SLC17A5: variants seen among roughly 807,000 people sequenced by gnomAD.
The protein encoded by SLC17A5 is sialin.
A neutral mutation model predicts 59.4 loss-of-function variants in SLC17A5; 47 were observed. That is an observed-to-expected ratio of 0.79 (90% CI 0.63 to 1.01). SLC17A5 has a LOEUF of 1.01. Among genes scored for constraint, SLC17A5 ranks in the 50% least tolerant of loss-of-function variants. The pLI, the probability that SLC17A5 is intolerant of heterozygous loss-of-function variation, is 0.00. For synonymous variants in SLC17A5, 202 were observed against 210.7 expected (o/e 0.96, Z 0.36); for missense variants, 522 against 595.5 (o/e 0.88, Z 1.28).
intron 1 of SLC17A5, 22 bp downstream of exon 1, chr6:73,653,771 C>A: frequency 6.4e-7 from 1 of 1,560,996 alleles, no homozygotes; most frequent in Non-Finnish European, 8.7e-7. Flanking sequence ...ACTCGAAGCC[C>A]CTGGACGACC....
intron 3 of SLC17A5, among the ~76,000 whole-genome samples, chr6:73,640,778 A>G (rs1769238375): frequency 6.6e-6 from 1 of 152,188 alleles, no homozygotes; most frequent in East Asian, 1.9e-4. Context: ...AAGGAAAAGA[A>G]AGACAAGAAT....
At chr6:73,600,801 GCTT>G (rs1767026234) in intron 9 of SLC17A5, among the ~76,000 whole-genome samples, 1 of 152,078 alleles carries the variant, frequency 6.6e-6, no homozygotes, top group South Asian at 2.1e-4. Context: ...GCGCCTGGCT[GCTT>G]CTTTCAATAG....
chr6:73,594,842 G>C lies in SLC17A5; in HGVS notation c.*235C>G. On this transcript the variant is annotated 3_prime_UTR_variant, in exon 11 of 11. Transcript: ENST00000355773. ...TGTCCTACTTCATGTTGCCCGACTA[G>C]CAGGCAGGTATGTGAACCTAAAGTA... The C allele has an allele frequency of 1.9e-6, 1 of 525,396 alleles. No individual in the cohort carries two copies. The highest frequency in any genetic ancestry group is 2.1e-5 in the South Asian group (1 of 48,318). The allele number at this position is 525,396 out of a possible 1,614,324, so 32.5% of individuals were successfully genotyped here.
chr6:73,628,319 C>T (rs1768533510), intron 6 of SLC17A5, among the ~76,000 whole-genome samples: 1 of 152,114 alleles, frequency 6.6e-6, no homozygotes, highest in Non-Finnish European at 1.5e-5. Context: ...ACCTGTAATC[C>T]CAGCACTTTG....
At chr6:73,648,851 A>G (rs1769705988) in intron 1 of SLC17A5, among the ~76,000 whole-genome samples, 1 of 152,096 alleles carries the variant, frequency 6.6e-6, no homozygotes, top group South Asian at 2.1e-4. Context: ...GCATGTACAG[A>G]GGTATGGAAA....
chr6:73,637,694 T>G, intron 4 of SLC17A5, among the ~76,000 whole-genome samples: 1 of 152,164 alleles, frequency 6.6e-6, no homozygotes, highest in East Asian at 1.9e-4. Context: ...CTGTTCTGAT[T>G]GGCTGAAATG....
intron 1 of SLC17A5, among the ~76,000 whole-genome samples, chr6:73,650,507 C>CAAAAAAAA (rs999445559): frequency 2.8e-5 from 1 of 35,556 alleles, no homozygotes; most frequent in Non-Finnish European, 6.3e-5. Flanking sequence ...GACTCCGTCT[C>CAAAAAAAA]AAAAAAAAAA....
rs59780167 is a variant in SLC17A5, at chr6:73,631,051, G to GAA, written c.819+4329_819+4330dup. 1.7e-4 allele frequency among the ~76,000 whole-genome samples: 18 copies of GAA among 104,538 alleles called. 1 individual carries two copies. In the South Asian group the frequency reaches 3.0e-3, roughly 17 times the overall value. The allele number at this position is 104,538 out of a possible 152,430, so 68.6% of individuals were successfully genotyped here. On this transcript the variant is annotated intron_variant, in intron 6 of 10. Coordinates refer to ENST00000355773, the MANE Select transcript of SLC17A5 (RefSeq NM_012434.5). Reference sequence around the variant, plus strand: ...AAAAGAGCAAAACTCTGTCTCAAAAGAAAAAAAAAAAAAAAGAAAAAAAGC... The same window carrying GAA: ...AAAAGAGCAAAACTCTGTCTCAAAAGAAAAAAAAAAAAAAAAAGAAAAAAAGC...
At chr6:73,618,258 T>C (rs1233041377) in intron 7 of SLC17A5, 2 of 99,776 alleles carry the variant, frequency 2.0e-5, no homozygotes, top group East Asian at 5.7e-4. Context: ...TAAAATAAAA[T>C]AAAATAAAAT....
At chr6:73,612,279 C>T (rs1767669034) in intron 8 of SLC17A5, among the ~76,000 whole-genome samples, 1 of 151,940 alleles carries the variant, frequency 6.6e-6, no homozygotes, top group South Asian at 2.1e-4. Flanking sequence ...TCTCCTGCCT[C>T]GGCCTCCTGA....
Position 73,599,164 on chromosome 6 carries a change from G to A in SLC17A5, c.1350+1187C>T, listed in dbSNP as rs115691008. ...ACCACTGTACTCCAGACTGGGCAAC[G>A]GAGTGCGAAACTTATTTTATTTTGT... On this transcript the variant is annotated intron_variant, in intron 10 of 10. Transcript: ENST00000355773. Among the ~76,000 whole-genome samples, 265 of 152,048 alleles carry A rather than the reference G, an allele frequency of 1.7e-3. 1 individual carries two copies. Among genetic ancestry groups the A allele is most frequent in the African/African-American group, 6.0e-3 (249 of 41,486 alleles).
intron 6 of SLC17A5, among the ~76,000 whole-genome samples, chr6:73,629,770 C>G (rs370689472): frequency 2.6e-5 from 4 of 151,572 alleles, no homozygotes; most frequent in African/African-American, 9.7e-5. Context: ...AGAACAAGAG[C>G]GAAACTCCGT....
intron 8 of SLC17A5, among the ~76,000 whole-genome samples, chr6:73,611,580 TG>T (rs1216545792): frequency 1.8e-4 from 26 of 148,142 alleles, no homozygotes; most frequent in African/African-American, 6.5e-4. Context: ...TGCCCGGCCT[TG>T]GTTTTTTTTT....
intron 1 of SLC17A5, among the ~76,000 whole-genome samples, chr6:73,646,440 C>T (rs558098206): frequency 1.3e-5 from 2 of 152,050 alleles, no homozygotes; most frequent in South Asian, 4.1e-4. Flanking sequence ...GGAAACTTTT[C>T]ATTTGGCATT....
chr6:73,619,918 ATTTG>A (rs1433094993), intron 7 of SLC17A5, among the ~76,000 whole-genome samples: 5 of 142,236 alleles, frequency 3.5e-5, no homozygotes, highest in East Asian at 4.1e-4. Context: ...GATTTTGAGA[ATTTG>A]TTTTTTTTTT....
At chr6:73,599,469 A>G (rs1054880916) in intron 10 of SLC17A5, among the ~76,000 whole-genome samples, 3 of 152,244 alleles carry the variant, frequency 2.0e-5, no homozygotes, top group African/African-American at 7.2e-5. Context: ...ACTGTAATTC[A>G]GGAATCCATA....
chr6:73,634,456 G>A (rs570370845), intron 6 of SLC17A5, among the ~76,000 whole-genome samples: 1 of 152,340 alleles, frequency 6.6e-6, no homozygotes, highest in Non-Finnish European at 1.5e-5. Flanking sequence ...CTGGAGTGCA[G>A]TGGCACGATC....
At chr6:73,600,809 C>G (rs1767026362) in intron 9 of SLC17A5, among the ~76,000 whole-genome samples, 1 of 152,166 alleles carries the variant, frequency 6.6e-6, no homozygotes, top group South Asian at 2.1e-4. Context: ...CTGCTTCTTT[C>G]AATAGACAGC....
intron 9 of SLC17A5, among the ~76,000 whole-genome samples, chr6:73,601,628 G>T (rs1467816893): frequency 1.1e-5 from 1 of 94,122 alleles, no homozygotes; most frequent in East Asian, 2.7e-4. Flanking sequence ...CCCCGTCCGG[G>T]AGGGAGGTGG....
Sources: allele counts gnomAD v4.1 joint callset (sites outside exome capture counted in the v4.1 genomes callset), GRCh38; gene constraint gnomAD v4.1.1; transcripts MANE v1.5; gene names NCBI Gene and HGNC (gene_info 2026-07-23, HGNC 2026-07-21).